Variants in ROR2 observed in about 807,000 individuals in gnomAD.
ROR2 encodes the protein ROR family WNT receptor 2.
A neutral mutation model predicts 74.9 loss-of-function variants in ROR2; 33 were observed. The ratio of observed to expected loss-of-function variants is 0.44; its 90% CI spans 0.33 to 0.59. The LOEUF is 0.59. Ranked by LOEUF, ROR2 falls within the 20% of genes least tolerant of loss-of-function variation. The pLI is 0.02. For synonymous variants in ROR2, 586 were observed against 558.7 expected (o/e 1.05, Z -0.69); for missense variants, 1,216 against 1,313.8 (o/e 0.93, Z 1.15).
intron 1 of ROR2, among the ~76,000 whole-genome samples, chr9:91,869,872 A>G (rs1829746669): frequency 6.6e-6 from 1 of 152,246 alleles, no homozygotes; most frequent in African/African-American, 2.4e-5. Context: ...AAAAAAAATA[A>G]GCATTCATAA....
intron 1 of ROR2, among the ~76,000 whole-genome samples, chr9:91,814,509 G>A (rs1377051450): frequency 2.0e-5 from 3 of 152,162 alleles, no homozygotes; most frequent in Non-Finnish European, 2.9e-5. Flanking sequence ...GCCAGCCGCT[G>A]ACAAGCCATG....
chr9:91,780,464 T>C (rs1361168313), intron 1 of ROR2, among the ~76,000 whole-genome samples: 1 of 152,038 alleles, frequency 6.6e-6, no homozygotes, highest in Non-Finnish European at 1.5e-5. Context: ...AGACCTCTGA[T>C]GTGACATCTT....
chr9:91,936,251 T>A (rs1831687220), intron 1 of ROR2, among the ~76,000 whole-genome samples: 1 of 152,244 alleles, frequency 6.6e-6, no homozygotes. Flanking sequence ...CTGCCGTAAC[T>A]AAGCACCACA....
At chr9:91,760,493 G>A (rs1268399408) in intron 2 of ROR2, among the ~76,000 whole-genome samples, 2 of 152,038 alleles carry the variant, frequency 1.3e-5, no homozygotes, top group Admixed American at 1.3e-4. Context: ...AATTAGCCAG[G>A]CGAGGTGGCG....
At position 91,724,713 on chromosome 9, in the gene ROR2, T is replaced by G. The variant is rs1587654235; in HGVS notation, c.1781A>C (p.His594Pro). The change falls in exon 9 of 9, where the codon CAC (histidine) becomes CCC (proline). Residue 594 changes from histidine to proline, a missense_variant. Physicochemically the swap from His to Pro is moderately conservative, Grantham distance 77. Coordinates refer to ENST00000375708, the MANE Select transcript of ROR2 (RefSeq NM_004560.4). ...CCCCGCCGCGATCTGTGCCACAAGG[T>G]GCACGAAGTCGGGGGGCTCCAGGGC... Reference protein sequence around the residue: ...KSALEPPDFVHLVAQIAAGME... With the variant: ...KSALEPPDFVPLVAQIAAGME... The G allele has an allele frequency of 6.2e-7, 1 of 1,614,184 alleles. No homozygotes were observed. The highest frequency in any genetic ancestry group is 8.5e-7 in the Non-Finnish European group (1 of 1,180,044).
At chr9:91,933,709 C>G (rs912796064) in intron 1 of ROR2, among the ~76,000 whole-genome samples, 2 of 152,146 alleles carry the variant, frequency 1.3e-5, no homozygotes, top group African/African-American at 2.4e-5. Flanking sequence ...ACCTTGAAAA[C>G]ATTATGCTAA....
intron 1 of ROR2, among the ~76,000 whole-genome samples, chr9:91,808,270 G>A (rs1227077125): frequency 2.0e-5 from 3 of 152,178 alleles, no homozygotes; most frequent in Non-Finnish European, 4.4e-5. Flanking sequence ...CACTAAATAT[G>A]CACTTTGAAT....
rs906260533 is a variant in ROR2 at position 91,916,931 on chromosome 9, G to A, written c.97+32936C>T. On this transcript the variant is annotated intron_variant, in intron 1 of 8. Transcript: ENST00000375708. Reference sequence around the variant, plus strand: ...TAGATGGTCGAGGTTGTCCCATGCTGGAGTGGAAAATGTTCCCTGCCCCCA... The same window carrying A: ...TAGATGGTCGAGGTTGTCCCATGCTAGAGTGGAAAATGTTCCCTGCCCCCA... Among the ~76,000 whole-genome samples, 7 of 152,180 alleles carry A rather than the reference G, an allele frequency of 4.6e-5. No individual in the cohort carries two copies. The Middle Eastern group carries it at 0.01, about 222-fold the overall frequency.
At chr9:91,819,497 C>T (rs967693319) in intron 1 of ROR2, among the ~76,000 whole-genome samples, 9 of 151,234 alleles carry the variant, frequency 6.0e-5, no homozygotes, top group African/African-American at 2.2e-4. Flanking sequence ...TGTGTCTCTG[C>T]GTGTCTTGGC....
At chr9:91,737,840 A>G (rs1587670789) in intron 4 of ROR2, among the ~76,000 whole-genome samples, 1 of 152,296 alleles carries the variant, frequency 6.6e-6, no homozygotes, top group East Asian at 1.9e-4. Flanking sequence ...AAAGAGAGGA[A>G]ACTTACATGC....
At chr9:91,893,692 C>T (rs746664285) in intron 1 of ROR2, among the ~76,000 whole-genome samples, 4 of 152,198 alleles carry the variant, frequency 2.6e-5, no homozygotes, top group Non-Finnish European at 5.9e-5. Flanking sequence ...ACATCCAAGA[C>T]TCCTTCAACG....
chr9:91,803,913 TA>T (rs1052532557), intron 1 of ROR2, among the ~76,000 whole-genome samples: 1 of 152,262 alleles, frequency 6.6e-6, no homozygotes, highest in African/African-American at 2.4e-5. Flanking sequence ...CTCCATGGCA[TA>T]AAACACCTTA....
chr9:91,735,605 A>ATTT (rs1824989882), intron 5 of ROR2, among the ~76,000 whole-genome samples: 1 of 101,862 alleles, frequency 9.8e-6, no homozygotes, highest in Admixed American at 1.4e-4. Flanking sequence ...AAGGGCTCTA[A>ATTT]CTTTTTTTTT....
intron 1 of ROR2, among the ~76,000 whole-genome samples, chr9:91,820,574 C>T (rs1828106758): frequency 1.3e-5 from 2 of 152,210 alleles, no homozygotes; most frequent in Admixed American, 6.5e-5. Flanking sequence ...CCTCCCTCCC[C>T]TCCCCTCCAC....
chr9:91,752,211 A>G (rs1825614804), intron 4 of ROR2, among the ~76,000 whole-genome samples: 3 of 152,230 alleles, frequency 2.0e-5, no homozygotes, highest in South Asian at 4.1e-4. Context: ...CACATGCCCT[A>G]TAATGCAGCA....
intron 3 of ROR2, among the ~76,000 whole-genome samples, chr9:91,756,812 G>A (rs1339179638): frequency 4.9e-5 from 7 of 144,122 alleles, no homozygotes; most frequent in Non-Finnish European, 9.0e-5. Flanking sequence ...ATGCAATGGC[G>A]TGATCTCGGC....
At chr9:91,775,570 T>TC (rs1254720509) in intron 2 of ROR2, among the ~76,000 whole-genome samples, 171 bp downstream of exon 2, 1 of 152,032 alleles carries the variant, frequency 6.6e-6, no homozygotes, top group African/African-American at 2.4e-5. Flanking sequence ...CTCAATGCCC[T>TC]CCAAGTCAAG....
chr9:91,753,258 G>C lies in ROR2; in HGVS notation c.494+2813C>G, dbSNP rs567675937. Among the ~76,000 whole-genome samples the C allele has an allele frequency of 1.4e-4, 21 of 152,254 alleles. No individual in the cohort carries two copies. The South Asian group carries it at 3.9e-3, about 29-fold the overall frequency. On this transcript the variant is annotated intron_variant, in intron 4 of 8. Coordinates refer to ENST00000375708, the MANE Select transcript of ROR2 (RefSeq NM_004560.4). ...ATAAAGAATTATCAAAATTCATTAA[G>C]AAACAATGTAAAGGAAAAATGAGCG... is the stretch of plus-strand genomic sequence containing the variant.
intron 2 of ROR2, among the ~76,000 whole-genome samples, chr9:91,766,156 G>A (rs975876471): frequency 1.7e-4 from 26 of 152,160 alleles, no homozygotes; most frequent in Admixed American, 6.5e-4. Flanking sequence ...CCACAGACAC[G>A]TCCACATGTG....
Sources: allele counts gnomAD v4.1 joint callset (sites outside exome capture counted in the v4.1 genomes callset), GRCh38; gene constraint gnomAD v4.1.1; transcripts MANE v1.5; gene names NCBI Gene and HGNC (gene_info 2026-07-23, HGNC 2026-07-21).